Variants in CACNA2D3 observed in about 807,000 individuals in gnomAD.
The protein encoded by CACNA2D3 is calcium voltage-gated channel auxiliary subunit alpha2delta 3.
A neutral mutation model predicts 160.6 loss-of-function variants in CACNA2D3; 60 were observed. The ratio of observed to expected loss-of-function variants is 0.37; its 90% CI spans 0.30 to 0.46. CACNA2D3 has a LOEUF of 0.46. CACNA2D3 is among the 20% of genes least tolerant of loss of function. The pLI is 1.00. For synonymous variants in CACNA2D3, 558 were observed against 492.9 expected (o/e 1.13, Z -1.75); for missense variants, 1,205 against 1,365.0 (o/e 0.88, Z 1.85).
At chr3:55,037,082 A>C (rs1388170295) in intron 35 of CACNA2D3, among the ~76,000 whole-genome samples, 2 of 152,196 alleles carry the variant, frequency 1.3e-5, no homozygotes, top group African/African-American at 4.8e-5. Context: ...ACAATAGGAC[A>C]TGACAGTAAT....
chr3:54,853,249 A>G (rs1042715578), intron 17 of CACNA2D3, among the ~76,000 whole-genome samples: 5 of 151,908 alleles, frequency 3.3e-5, no homozygotes, highest in African/African-American at 7.3e-5. Context: ...GAAAACGTCT[A>G]TTGTTTAACT....
At chr3:54,693,057 C>T (rs752091726) in intron 11 of CACNA2D3, among the ~76,000 whole-genome samples, 2 of 151,816 alleles carry the variant, frequency 1.3e-5, no homozygotes, top group African/African-American at 2.4e-5. Context: ...CCACCAACAA[C>T]AAAAAAGCCC....
chr3:54,596,782 G>A (rs138997776), intron 9 of CACNA2D3, among the ~76,000 whole-genome samples: 185 of 152,098 alleles, frequency 1.2e-3, no homozygotes, highest in African/African-American at 4.2e-3. Flanking sequence ...TCTCTGGAAC[G>A]CGCTGTTTCT....
At chr3:54,776,906 A>G (rs1168092260) in intron 13 of CACNA2D3, among the ~76,000 whole-genome samples, 1 of 152,146 alleles carries the variant, frequency 6.6e-6, no homozygotes, top group African/African-American at 2.4e-5. Flanking sequence ...ATTTTGGCCA[A>G]CACAACCAAA....
At chr3:54,842,908 G>T (rs2106768091) in intron 16 of CACNA2D3, among the ~76,000 whole-genome samples, 1 of 151,336 alleles carries the variant, frequency 6.6e-6, no homozygotes, top group Admixed American at 6.6e-5. Flanking sequence ...ACCACCTCCA[G>T]TTCTTTCTAG....
At chr3:54,480,165 G>A (rs1700909625) in intron 4 of CACNA2D3, among the ~76,000 whole-genome samples, 1 of 152,074 alleles carries the variant, frequency 6.6e-6, no homozygotes, top group Admixed American at 6.5e-5. Flanking sequence ...GCAACATAGT[G>A]AGACCCTGTC....
At chr3:54,145,975 GC>G (rs1700022672) in intron 2 of CACNA2D3, among the ~76,000 whole-genome samples, 1 of 151,886 alleles carries the variant, frequency 6.6e-6, no homozygotes, top group African/African-American at 2.4e-5. Context: ...CTTCAGGTGG[GC>G]CTAATCTCAC....
At chr3:54,860,005 C>CACACACAA (rs1424203405) in intron 17 of CACNA2D3, among the ~76,000 whole-genome samples, 2 of 151,680 alleles carry the variant, frequency 1.3e-5, no homozygotes, top group East Asian at 3.9e-4. Context: ...CACACACACA[C>CACACACAA]ACACACACAA....
intron 4 of CACNA2D3, among the ~76,000 whole-genome samples, chr3:54,428,046 A>C (rs1429818718): frequency 6.6e-6 from 1 of 152,228 alleles, no homozygotes; most frequent in Non-Finnish European, 1.5e-5. Flanking sequence ...AAAAATGTCA[A>C]GTCATTTTGA....
chr3:54,285,531 A>T (rs575840339), intron 2 of CACNA2D3, among the ~76,000 whole-genome samples: 1 of 152,234 alleles, frequency 6.6e-6, no homozygotes, highest in Non-Finnish European at 1.5e-5. Context: ...AAAAGACAGC[A>T]GTAACCTCTG....
At chr3:54,228,051 C>CTTCTAT (rs1701706657) in intron 2 of CACNA2D3, among the ~76,000 whole-genome samples, 1 of 152,154 alleles carries the variant, frequency 6.6e-6, no homozygotes, top group Non-Finnish European at 1.5e-5. Context: ...TGTGGATCCT[C>CTTCTAT]TTCTATTTCA....
chr3:54,928,451 C>G (rs77766449), intron 27 of CACNA2D3, among the ~76,000 whole-genome samples: 1,767 of 152,262 alleles, frequency 0.012, 32 homozygotes, highest in African/African-American at 0.04. Flanking sequence ...GGGGGTCGAG[C>G]AGCAGAGCCC....
intron 32 of CACNA2D3, among the ~76,000 whole-genome samples, chr3:55,005,057 C>CT (rs1247682731): frequency 6.6e-6 from 1 of 151,846 alleles, no homozygotes; most frequent in African/African-American, 2.4e-5. Flanking sequence ...GGCTGGATCA[C>CT]TTGGGGTCAG....
At chr3:54,796,953 A>G (rs892969119) in intron 13 of CACNA2D3, among the ~76,000 whole-genome samples, 5 of 152,222 alleles carry the variant, frequency 3.3e-5, no homozygotes, top group Non-Finnish European at 7.3e-5. Context: ...CAGGGAACCC[A>G]TTCTTCTGGA....
intron 3 of CACNA2D3, among the ~76,000 whole-genome samples, chr3:54,375,596 A>T (rs1320194913): frequency 1.3e-5 from 2 of 152,308 alleles, no homozygotes; most frequent in South Asian, 2.1e-4. Context: ...GTCTGGGGCC[A>T]GAAAGATGGC....
At chr3:54,617,275 CT>C (rs1302630777) in intron 9 of CACNA2D3, among the ~76,000 whole-genome samples, 1 of 152,132 alleles carries the variant, frequency 6.6e-6, no homozygotes, top group Non-Finnish European at 1.5e-5. Flanking sequence ...TGAGAAGCTG[CT>C]TGTAAGTCGA....
intron 27 of CACNA2D3, among the ~76,000 whole-genome samples, chr3:54,929,277 C>T (rs1217965245): frequency 5.9e-5 from 9 of 152,156 alleles, no homozygotes; most frequent in African/African-American, 1.2e-4. Flanking sequence ...CGACATGGCC[C>T]AGAGTGTCTT....
Position 54,531,900 on chromosome 3 carries a change from C to T in CACNA2D3, c.544+28246C>T, listed in dbSNP as rs146622663. On this transcript the variant is annotated intron_variant, in intron 5 of 37. Transcript: ENST00000474759. The stretch of plus-strand genomic sequence containing the variant: ...TGTTCTAAACATAAAATTCCCTCTG[C>T]GGATGGTCAGGGTGCCTGGAGCAAG... Among the ~76,000 whole-genome samples, 789 of 152,344 alleles carry T rather than the reference C, an allele frequency of 5.2e-3. 4 individuals are homozygous for T. Among genetic ancestry groups the T allele is most frequent in the Admixed American group, 7.9e-3 (121 of 15,310 alleles).
At chr3:54,528,636 G>T (rs1477082040) in intron 5 of CACNA2D3, among the ~76,000 whole-genome samples, 1 of 152,142 alleles carries the variant, frequency 6.6e-6, no homozygotes, top group Non-Finnish European at 1.5e-5. Context: ...GGAAGGGTCA[G>T]TGTGGCTGGG....
Sources: allele counts gnomAD v4.1 joint callset (sites outside exome capture counted in the v4.1 genomes callset), GRCh38; gene constraint gnomAD v4.1.1; transcripts MANE v1.5; gene names NCBI Gene and HGNC (gene_info 2026-07-23, HGNC 2026-07-21).